TMOD1: variants seen among roughly 807,000 people sequenced by gnomAD.
TMOD1 encodes the protein tropomodulin-1.
A neutral mutation model predicts 40.6 loss-of-function variants in TMOD1; 17 were observed. The ratio of observed to expected loss-of-function variants is 0.42; its 90% CI spans 0.29 to 0.63. The LOEUF (loss-of-function observed/expected upper bound fraction) is 0.63, where lower values mean the gene tolerates loss of function less well. TMOD1 is among the 20% of genes least tolerant of loss of function. The pLI is 0.22. For missense variants in TMOD1, 391 were observed against 447.6 expected (o/e 0.87, Z 1.14); for synonymous variants, 181 against 175.0 (o/e 1.03, Z -0.27).
chr9:97,576,778 T>C (rs951885121), intron 8 of TMOD1, among the ~76,000 whole-genome samples: 20 of 151,842 alleles, frequency 1.3e-4, no homozygotes, highest in Admixed American at 4.6e-4. Context: ...GGACTACAGG[T>C]GCCCGCCACC....
intron 3 of TMOD1, 91 bp downstream of exon 3, chr9:97,546,432 G>C: frequency 7.1e-7 from 1 of 1,404,016 alleles, no homozygotes; most frequent in Non-Finnish European, 9.7e-7. Context: ...CCTGTGTTGG[G>C]CCAAATGTGA....
chr9:97,522,901 C>G (rs1354395541), intron 1 of TMOD1, among the ~76,000 whole-genome samples: 2 of 152,120 alleles, frequency 1.3e-5, no homozygotes, highest in African/African-American at 4.8e-5. Flanking sequence ...TAACTCATCA[C>G]ACTGATTCTA....
chr9:97,580,561 G>T (rs1031553497), intron 8 of TMOD1, among the ~76,000 whole-genome samples: 1 of 148,610 alleles, frequency 6.7e-6, no homozygotes, highest in Non-Finnish European at 1.5e-5. Context: ...AGCCGAGATT[G>T]CACCACTACA....
chr9:97,534,000 C>A (rs2131232880), intron 2 of TMOD1, among the ~76,000 whole-genome samples: 1 of 152,212 alleles, frequency 6.6e-6, no homozygotes, highest in Non-Finnish European at 1.5e-5. Context: ...TAGCCACATT[C>A]CAGGCATCCA....
At chr9:97,549,891 T>G (rs151037097) in intron 3 of TMOD1, among the ~76,000 whole-genome samples, 28 of 152,294 alleles carry the variant, frequency 1.8e-4, no homozygotes, top group Non-Finnish European at 3.4e-4. Flanking sequence ...GTGAGCTGTG[T>G]AGGTTTTTGT....
In TMOD1 at chr9:97,524,086, C is replaced by A. The variant is rs572648277; in HGVS notation, c.-48-55C>A. Reference sequence around the variant, plus strand: ...TGTGTGAACGATGAGCCTCCATTTGCTCTGAGAGAGCAAATCTGAGACGGG... The same window carrying A: ...TGTGTGAACGATGAGCCTCCATTTGATCTGAGAGAGCAAATCTGAGACGGG... On this transcript the variant is annotated intron_variant, in intron 1 of 9. Coordinates refer to ENST00000259365, the MANE Select transcript of TMOD1 (RefSeq NM_003275.4). 4.6e-5 allele frequency: 65 copies of A among 1,404,692 alleles called. No homozygotes were observed. The African/African-American group carries it at 7.7e-4, about 17-fold the overall frequency. 87.0% of individuals were successfully genotyped at this position (1,404,692 alleles called of 1,614,324 possible). A position where few individuals can be genotyped will look rare whatever the true frequency, so the allele number is the denominator to read the frequency against.
At chr9:97,554,949 T>C (rs1830513222) in intron 4 of TMOD1, among the ~76,000 whole-genome samples, 1 of 151,784 alleles carries the variant, frequency 6.6e-6, no homozygotes, top group South Asian at 2.1e-4. Flanking sequence ...ACCTGAGGAG[T>C]GAATGCGGAA....
At chr9:97,538,924 G>A (rs1240009830) in intron 2 of TMOD1, among the ~76,000 whole-genome samples, 2 of 152,030 alleles carry the variant, frequency 1.3e-5, no homozygotes, top group Non-Finnish European at 2.9e-5. Flanking sequence ...AGAATCACTT[G>A]AACCTGGGAG....
intron 1 of TMOD1, among the ~76,000 whole-genome samples, chr9:97,514,846 G>A (rs1329465240): frequency 6.6e-6 from 1 of 152,242 alleles, no homozygotes; most frequent in African/African-American, 2.4e-5. Context: ...CTCACTACCT[G>A]GATCGGGGCA....
At chr9:97,573,631 C>T (rs575546129) in intron 8 of TMOD1, among the ~76,000 whole-genome samples, 8 of 152,242 alleles carry the variant, frequency 5.3e-5, no homozygotes, top group African/African-American at 1.9e-4. Context: ...CTGACTTCGC[C>T]CAGAGTGCAT....
At chr9:97,528,854 C>T (rs1325893193) in intron 2 of TMOD1, among the ~76,000 whole-genome samples, 2 of 152,256 alleles carry the variant, frequency 1.3e-5, no homozygotes, top group Non-Finnish European at 2.9e-5. Context: ...TGTTATAGTC[C>T]ATATTCCTCC....
chr9:97,582,907 C>T (rs1825787557), intron 8 of TMOD1, among the ~76,000 whole-genome samples: 1 of 150,998 alleles, frequency 6.6e-6, no homozygotes, highest in East Asian at 2.0e-4. Flanking sequence ...TGGGCTGAGA[C>T]AATGGGGTTT....
At chr9:97,569,136 T>C (rs1830779652) in intron 8 of TMOD1, 99 bp downstream of exon 8, 4 of 1,497,448 alleles carry the variant, frequency 2.7e-6, no homozygotes, top group Admixed American at 3.8e-5. Context: ...ATGCTGATGA[T>C]AGAAGCTCAG....
At chr9:97,559,792 AAAATATATAT>A (rs1236451550) in intron 4 of TMOD1, among the ~76,000 whole-genome samples, 1 of 35,088 alleles carries the variant, frequency 2.8e-5, no homozygotes, top group African/African-American at 1.3e-4. Context: ...AAAAAAAAAA[AAAATATATAT>A]ATATATATAT....
At chr9:97,552,591 C>A (rs1019504166) in intron 3 of TMOD1, among the ~76,000 whole-genome samples, 3 of 152,200 alleles carry the variant, frequency 2.0e-5, no homozygotes, top group Admixed American at 1.3e-4. Context: ...TATGCAATTT[C>A]TCATAAATGG....
At chr9:97,506,804 C>T (rs547669858) in intron 1 of TMOD1, among the ~76,000 whole-genome samples, 14 of 152,282 alleles carry the variant, frequency 9.2e-5, no homozygotes, top group African/African-American at 3.4e-4. Context: ...GTTTTATATC[C>T]GTGCTTCTCT....
rs547255049 is a variant in TMOD1, at chr9:97,510,629, T to C, written c.-49+8826T>C. Among the ~76,000 whole-genome samples the C allele has an allele frequency of 8.5e-5, 13 of 152,360 alleles. No homozygotes were observed. In the South Asian group the frequency reaches 2.7e-3, roughly 32 times the overall value. On this transcript the variant is annotated intron_variant, in intron 1 of 9. Transcript: ENST00000259365. ...TTCATTCATTCATTCATTCAACGAA[T>C]ATGTCTTCAGCACTGGACAGGTGCA...
chr9:97,537,489 G>T (rs1003468007), intron 2 of TMOD1, among the ~76,000 whole-genome samples: 1 of 152,192 alleles, frequency 6.6e-6, no homozygotes, highest in African/African-American at 2.4e-5. Context: ...TGTTTGCAGG[G>T]TGTTAGAGCT....
chr9:97,566,701 A>G (rs950239869), intron 7 of TMOD1, among the ~76,000 whole-genome samples: 2 of 152,194 alleles, frequency 1.3e-5, no homozygotes, highest in Admixed American at 6.5e-5. Context: ...TAAAAATTTA[A>G]AAAAATAAAA....
Sources: allele counts gnomAD v4.1 joint callset (sites outside exome capture counted in the v4.1 genomes callset), GRCh38; gene constraint gnomAD v4.1.1; transcripts MANE v1.5; gene names NCBI Gene and HGNC (gene_info 2026-07-23, HGNC 2026-07-21).